The following RIC1 variants were observed in gnomAD, a reference collection of about 807,000 sequenced individuals.
RIC1 encodes RIC1 partner of RAB6A GEF complex, also known as guanine nucleotide exchange factor subunit RIC1.
In RIC1, 88 loss-of-function variants were observed where a neutral mutation model predicts 169.0. The ratio of observed to expected loss-of-function variants is 0.52; its 90% confidence interval spans 0.44 to 0.62. The LOEUF (loss-of-function observed/expected upper bound fraction) is 0.62, where lower values mean the gene tolerates loss of function less well. Ranked by LOEUF, RIC1 falls within the 20% of genes least tolerant of loss-of-function variation. RIC1 has a pLI of 0.00. For synonymous variants in RIC1, 790 were observed against 601.5 expected (o/e 1.31, Z -4.59); for missense variants, 1,877 against 1,725.5 (o/e 1.09, Z -1.56).
chr9:5,755,535 A>C (rs958145943), intron 15 of RIC1, among the ~76,000 whole-genome samples: 7 of 152,222 alleles, frequency 4.6e-5, no homozygotes, highest in African/African-American at 1.7e-4. Flanking sequence ...TAGATAACTG[A>C]AACTGTGAAG....
intron 1 of RIC1, among the ~76,000 whole-genome samples, chr9:5,633,193 A>C (rs74966561): frequency 6.6e-6 from 1 of 152,236 alleles, no homozygotes; most frequent in East Asian, 1.9e-4. Context: ...ATGGAAAAAA[A>C]CAATGATATG....
chr9:5,652,819 A>T (rs912981788), intron 1 of RIC1, among the ~76,000 whole-genome samples: 2 of 152,112 alleles, frequency 1.3e-5, no homozygotes, highest in Non-Finnish European at 2.9e-5. Flanking sequence ...TTCCTTATTC[A>T]GTAGTGTTAG....
At chr9:5,730,703 T>A (rs1824319727) in intron 6 of RIC1, among the ~76,000 whole-genome samples, 2 of 152,120 alleles carry the variant, frequency 1.3e-5, no homozygotes, top group African/African-American at 4.8e-5. Context: ...ATTCCACAAG[T>A]GTTTGCTTTG....
chr9:5,771,816 T>C (rs1827242019), intron 23 of RIC1, among the ~76,000 whole-genome samples: 1 of 152,226 alleles, frequency 6.6e-6, no homozygotes, highest in Non-Finnish European at 1.5e-5. Context: ...CCCTCCCCCA[T>C]GTGGCCGTCA....
At chr9:5,715,950 T>C (rs1005000611) in intron 4 of RIC1, among the ~76,000 whole-genome samples, 1 of 151,990 alleles carries the variant, frequency 6.6e-6, no homozygotes, top group African/African-American at 2.4e-5. Context: ...TGGGCTCCAG[T>C]GATCTCACCT....
intron 21 of RIC1, 120 bp from the exon 22 acceptor site, chr9:5,768,850 T>C: frequency 9.2e-7 from 1 of 1,083,014 alleles, no homozygotes; most frequent in Non-Finnish European, 1.3e-6. Context: ...TCATTGTCAA[T>C]CAGAATTAGA....
At chr9:5,685,086 G>A (rs1395207221) in intron 2 of RIC1, among the ~76,000 whole-genome samples, 1 of 151,830 alleles carries the variant, frequency 6.6e-6, no homozygotes, top group Non-Finnish European at 1.5e-5. Flanking sequence ...ATGTTAATGA[G>A]GGAAGGAGAA....
chr9:5,711,763 C>T (rs771365261), intron 3 of RIC1, among the ~76,000 whole-genome samples: 1 of 152,114 alleles, frequency 6.6e-6, no homozygotes, highest in Admixed American at 6.5e-5. Context: ...GTGTGATGGT[C>T]CCTTTCCTGT....
chr9:5,635,092 A>G (rs1270681230), intron 1 of RIC1, among the ~76,000 whole-genome samples: 1 of 152,114 alleles, frequency 6.6e-6, no homozygotes, highest in Non-Finnish European at 1.5e-5. Context: ...GGCTCAAGCA[A>G]TTCTCCCACC....
At position 5,720,185 on chromosome 9, in the gene RIC1, G is replaced by A. The variant is rs142541723; in HGVS notation, c.444G>A (p.Leu148=). Residue 148 remains leucine, a synonymous_variant, in exon 5 of 26, where the codon TTG becomes TTA. Coordinates refer to ENST00000414202, the MANE Select transcript of RIC1 (RefSeq NM_020829.4). ...AATTAATTGATTCTACCTACAGTTT[G>A]CAGTCTGTGTTGGAAGATCTCCTGG... The part of the protein sequence containing the change: ...ILDLQAPIMS[L]QSVLEDLLVA... 6.2e-7 allele frequency: 1 copy of A among 1,609,918 alleles called. No homozygotes were observed. Among genetic ancestry groups the A allele is most frequent in the Non-Finnish European group, 8.5e-7 (1 of 1,176,598 alleles).
Position 5,769,412 on chromosome 9 carries a change from T to G in RIC1, c.3424+156T>G, listed in dbSNP as rs770363727. 6 of 1,559,004 alleles carry G rather than the reference T, an allele frequency of 3.8e-6. No individual in the cohort carries two copies. The African/African-American group carries it at 4.1e-5, about 11-fold the overall frequency. On this transcript the variant is annotated intron_variant, in intron 22 of 25. Transcript: ENST00000414202. ...TTTGTACATGAGTTGGAATGCCCAC[T>G]GTTTGACCAAAGATGTAAATAAAGT... is the stretch of plus-strand genomic sequence containing the variant.
chr9:5,653,804 G>T (rs1018668808), intron 1 of RIC1, among the ~76,000 whole-genome samples: 8 of 151,812 alleles, frequency 5.3e-5, no homozygotes, highest in Non-Finnish European at 8.8e-5. Context: ...CACTGTGTTG[G>T]CCAGGTTGGT....
At chr9:5,756,790 T>C (rs897946653) in intron 16 of RIC1, among the ~76,000 whole-genome samples, 1 of 152,228 alleles carries the variant, frequency 6.6e-6, no homozygotes, top group African/African-American at 2.4e-5. Flanking sequence ...TAGATGGCTG[T>C]AGTCTGGGGC....
intron 19 of RIC1, 166 bp from the exon 20 acceptor site, chr9:5,765,248 A>G: frequency 1.5e-6 from 1 of 653,290 alleles, no homozygotes. Flanking sequence ...CCAGAAGAGT[A>G]CTTGCCTCGC....
chr9:5,764,243 A>G (rs1430662160), intron 19 of RIC1, among the ~76,000 whole-genome samples: 2 of 152,238 alleles, frequency 1.3e-5, no homozygotes, highest in Admixed American at 6.5e-5. Flanking sequence ...TATTTGAGAT[A>G]TTAGTGAGTT....
At chr9:5,724,988 T>C (rs1050188264) in intron 6 of RIC1, among the ~76,000 whole-genome samples, 8 of 152,226 alleles carry the variant, frequency 5.3e-5, no homozygotes, top group African/African-American at 1.9e-4. Flanking sequence ...TTTGCATCAT[T>C]GTTCATAAGG....
At chr9:5,736,963 C>G (rs1019767046) in intron 7 of RIC1, among the ~76,000 whole-genome samples, 2 of 145,522 alleles carry the variant, frequency 1.4e-5, no homozygotes, top group Admixed American at 1.4e-4. Flanking sequence ...GTGAAGAAAC[C>G]ATCTGATTTC....
chr9:5,742,070 A>G (rs553849216), intron 8 of RIC1, among the ~76,000 whole-genome samples: 1 of 152,308 alleles, frequency 6.6e-6, no homozygotes, highest in Admixed American at 6.5e-5. Context: ...TCAAGGGAGT[A>G]TTATTTTCCA....
rs758502556 is a variant in RIC1 at position 5,673,882 on chromosome 9, T to G, written c.253-16077T>G. On this transcript the variant is annotated intron_variant, in intron 2 of 25. Transcript: ENST00000414202. ...TCAAGTTACAGAAGAATGTTAAGTT[T>G]ATACAACATTTGTGATAAAATAATG... Among the ~76,000 whole-genome samples the G allele has an allele frequency of 4.6e-5, 7 of 152,252 alleles. 1 individual carries two copies. The South Asian group carries it at 1.5e-3, about 32-fold the overall frequency.
Sources: allele counts gnomAD v4.1 joint callset (sites outside exome capture counted in the v4.1 genomes callset), GRCh38; gene constraint gnomAD v4.1.1; transcripts MANE v1.5; gene names NCBI Gene and HGNC (gene_info 2026-07-23, HGNC 2026-07-21).